The following CEP57 variants were observed in gnomAD, a reference collection of about 807,000 sequenced individuals.
The protein encoded by CEP57 is centrosomal protein of 57 kDa.
CEP57 carries 40 observed loss-of-function variants against 68.0 expected under a neutral mutation model. The observed-to-expected ratio is 0.59, with a 90% confidence interval of 0.46 to 0.77. The LOEUF (loss-of-function observed/expected upper bound fraction) is 0.77. Among genes scored for constraint, CEP57 ranks in the 30% least tolerant of loss-of-function variants. The pLI is 0.00. For missense variants in CEP57, 606 were observed against 580.7 expected, an observed-to-expected ratio of 1.04 and a Z score of -0.45; for synonymous variants, 219 against 198.7, an observed-to-expected ratio of 1.10 and a Z score of -0.86.
At chr11:95,813,156 T>A in intron 3 of CEP57, 45 bp downstream of exon 3, 2 of 1,567,580 alleles carry the variant, frequency 1.3e-6, no homozygotes, top group Non-Finnish European at 8.7e-7. Flanking sequence ...ATAAGTGTTG[T>A]GCAGTATTAA....
intron 9 of CEP57, among the ~76,000 whole-genome samples, chr11:95,828,342 T>G (rs1253376685): frequency 6.6e-6 from 1 of 152,238 alleles, no homozygotes; most frequent in Non-Finnish European, 1.5e-5. Context: ...TAGGCGATTT[T>G]CTTTTCCTTG....
At chr11:95,805,427 CTCA>C (rs1284144890) in intron 2 of CEP57, among the ~76,000 whole-genome samples, 4 of 152,010 alleles carry the variant, frequency 2.6e-5, no homozygotes, top group African/African-American at 9.7e-5. Flanking sequence ...ATATTGTAGT[CTCA>C]TTGCATACCA....
intron 2 of CEP57, among the ~76,000 whole-genome samples, chr11:95,806,583 C>T (rs1005195007): frequency 6.6e-6 from 1 of 150,958 alleles, no homozygotes; most frequent in East Asian, 1.9e-4. Flanking sequence ...TATCCTGTTC[C>T]TGGCTCTGAG....
intron 1 of CEP57, chr11:95,794,206 C>CT (rs769225967): frequency 8.6e-3 from 3,150 of 367,158 alleles, no homozygotes; most frequent in South Asian, 0.013. Context: ...AGTGATTTTT[C>CT]TTTTTTTTTT....
chr11:95,824,251 T>A (rs562632483), intron 8 of CEP57, among the ~76,000 whole-genome samples: 18 of 151,482 alleles, frequency 1.2e-4, no homozygotes, highest in African/African-American at 2.7e-4. Flanking sequence ...CTTTAAAAAA[T>A]TTTTTTTAAA....
At position 95,827,982 on chromosome 11, in the gene CEP57, C is replaced by T; in HGVS notation, c.1082C>T (p.Ser361Leu). The T allele has an allele frequency of 6.2e-7, 1 of 1,613,732 alleles. No homozygotes were observed. Among genetic ancestry groups the T allele is most frequent in the Non-Finnish European group, 8.5e-7 (1 of 1,179,908 alleles). Reference sequence around the variant, plus strand: ...TCCAACGGTATTAATGAGGAGTTGTCAGAAGTCTTACAGACTTTACAGGAT... The same window carrying T: ...TCCAACGGTATTAATGAGGAGTTGTTAGAAGTCTTACAGACTTTACAGGAT... ...PSSNGINEEL[S>L]EVLQTLQDEF... Residue 361 changes from serine to leucine, a missense_variant, in exon 9 of 11, where the codon TCA becomes TTA. Coordinates refer to ENST00000325542, the MANE Select transcript of CEP57 (RefSeq NM_014679.5).
At position 95,830,581 on chromosome 11, in the gene CEP57, T is replaced by G. The variant is rs76039280; in HGVS notation, c.1273-445T>G. 9.4e-4 allele frequency among the ~76,000 whole-genome samples: 143 copies of G among 152,256 alleles called. 1 individual carries two copies. In the East Asian group the frequency reaches 0.024, roughly 25 times the overall value. ...TCTGTTCATCCATCTGGAAATTGCTTCTTTGCCTCCTCAGACTAGTTTCTA... is the reference window on the plus strand; with the variant it reads ...TCTGTTCATCCATCTGGAAATTGCTGCTTTGCCTCCTCAGACTAGTTTCTA... On this transcript the variant is annotated intron_variant, in intron 10 of 10. Transcript: ENST00000325542.
intron 2 of CEP57, among the ~76,000 whole-genome samples, chr11:95,811,199 G>T (rs1158804072): frequency 6.6e-6 from 1 of 151,946 alleles, no homozygotes; most frequent in Non-Finnish European, 1.5e-5. Context: ...TGTCCATCAA[G>T]ACTGGATTAA....
chr11:95,813,366 G>C, intron 3 of CEP57, 102 bp from the exon 4 acceptor site: 5 of 1,388,120 alleles, frequency 3.6e-6, no homozygotes, highest in Non-Finnish European at 5.0e-6. Flanking sequence ...TCTGTGGAAG[G>C]TGTTTTTATT....
intron 9 of CEP57, among the ~76,000 whole-genome samples, chr11:95,828,497 AAT>A (rs1300780944): frequency 2.6e-5 from 4 of 152,326 alleles, no homozygotes; most frequent in Admixed American, 2.6e-4. Context: ...GTAGAGTAAA[AAT>A]ATGATACTAA....
intron 4 of CEP57, chr11:95,814,990 T>C (rs1412193235): frequency 6.6e-6 from 1 of 152,238 alleles, no homozygotes. Context: ...TAATGCAATG[T>C]AAATGTTATG....
At chr11:95,797,522 A>T (rs1861399856) in intron 1 of CEP57, among the ~76,000 whole-genome samples, 1 of 152,136 alleles carries the variant, frequency 6.6e-6, no homozygotes. Context: ...ACCAGCTTCC[A>T]GAAGATGCCT....
intron 2 of CEP57, among the ~76,000 whole-genome samples, chr11:95,807,737 C>G (rs1340858372): frequency 6.6e-6 from 1 of 151,354 alleles, no homozygotes; most frequent in East Asian, 1.9e-4. Context: ...CCAAGTCTGC[C>G]TCTGATTGGT....
Position 95,813,453 on chromosome 11 carries a change from A to G in CEP57, c.383-15A>G, listed in dbSNP as rs766735527. ...GGGTGAGTTGATTTCTGCTTTTCTT[A>G]TGTATTCTTTTTAGAACTGACATCT... On this transcript the variant is annotated splice_polypyrimidine_tract_variant and intron_variant, in intron 3 of 10. Transcript: ENST00000325542. The G allele has an allele frequency of 4.7e-5, 75 of 1,609,362 alleles. No individual in the cohort carries two copies. Among genetic ancestry groups the G allele is most frequent in the Non-Finnish European group, 6.0e-5 (71 of 1,178,974 alleles).
At chr11:95,819,280 A>G (rs986208148) in intron 6 of CEP57, among the ~76,000 whole-genome samples, 10 of 152,224 alleles carry the variant, frequency 6.6e-5, no homozygotes, top group Non-Finnish European at 1.3e-4. Context: ...GGTGGCCTCA[A>G]GATGCCAGGA....
chr11:95,792,752 T>C (rs1358000105), intron 1 of CEP57, among the ~76,000 whole-genome samples: 1 of 152,178 alleles, frequency 6.6e-6, no homozygotes, highest in Non-Finnish European at 1.5e-5. Flanking sequence ...AAAATGTCTA[T>C]TTTGGAAGTT....
chr11:95,826,283 C>T (rs1862739690), intron 8 of CEP57: 1 of 152,102 alleles, frequency 6.6e-6, no homozygotes, highest in Non-Finnish European at 1.5e-5. Context: ...TAGAATATTG[C>T]TTACAATACA....
At chr11:95,826,781 A>C (rs1414073985) in intron 8 of CEP57, 1 of 152,244 alleles carries the variant, frequency 6.6e-6, no homozygotes, top group Non-Finnish European at 1.5e-5. Flanking sequence ...AATATATATT[A>C]CAAGTTACGA....
intron 1 of CEP57, among the ~76,000 whole-genome samples, chr11:95,791,002 G>A (rs1303055695): frequency 6.6e-6 from 1 of 152,164 alleles, no homozygotes; most frequent in Non-Finnish European, 1.5e-5. Flanking sequence ...ACCAACCCCG[G>A]TTGCCTAACA....
Sources: allele counts gnomAD v4.1 joint callset (sites outside exome capture counted in the v4.1 genomes callset), GRCh38; gene constraint gnomAD v4.1.1; transcripts MANE v1.5; gene names NCBI Gene and HGNC (gene_info 2026-07-23, HGNC 2026-07-21).